PCDH9: variants seen among roughly 807,000 people sequenced by gnomAD.
PCDH9 encodes protocadherin-9.
Under a neutral mutation model 70.6 loss-of-function variants are expected in PCDH9, and 24 were observed. The ratio of observed to expected loss-of-function variants is 0.34; its 90% CI spans 0.25 to 0.48. The LOEUF is 0.48. Ranked by LOEUF, PCDH9 falls within the 20% of genes least tolerant of loss-of-function variation. The pLI is 0.99. For synonymous variants in PCDH9, 562 were observed against 558.5 expected, an observed-to-expected ratio of 1.01 and a Z score of -0.09; for missense variants, 1,281 against 1,503.6, an observed-to-expected ratio of 0.85 and a Z score of 2.45.
chr13:66,979,937 C>G (rs1322827787), intron 2 of PCDH9, among the ~76,000 whole-genome samples: 1 of 151,672 alleles, frequency 6.6e-6, no homozygotes, highest in Non-Finnish European at 1.5e-5. Flanking sequence ...TCTTTCCTAT[C>G]TAATTCTTTA....
chr13:66,503,360 AGACT>A (rs1431901601), intron 4 of PCDH9, among the ~76,000 whole-genome samples: 1 of 151,352 alleles, frequency 6.6e-6, no homozygotes, highest in Admixed American at 6.6e-5. Flanking sequence ...CTCCCCTGGG[AGACT>A]GTTTGATTTA....
intron 3 of PCDH9, among the ~76,000 whole-genome samples, chr13:66,889,936 G>T (rs1354600401): frequency 1.3e-5 from 2 of 152,054 alleles, no homozygotes; most frequent in African/African-American, 4.8e-5. Context: ...GGATATATTG[G>T]TGTATTGATT....
At chr13:66,529,069 C>G (rs1053692272) in intron 4 of PCDH9, among the ~76,000 whole-genome samples, 4 of 152,034 alleles carry the variant, frequency 2.6e-5, no homozygotes, top group African/African-American at 7.2e-5. Flanking sequence ...GTTGACCTAT[C>G]TCTGCCATTC....
intron 2 of PCDH9, among the ~76,000 whole-genome samples, chr13:66,953,881 G>T (rs1453340254): frequency 1.3e-5 from 2 of 152,156 alleles, no homozygotes; most frequent in Admixed American, 6.5e-5. Flanking sequence ...TTCCTGCAGA[G>T]ATACCGGAAG....
intron 3 of PCDH9, among the ~76,000 whole-genome samples, chr13:66,672,245 T>C (rs953669990): frequency 6.6e-6 from 1 of 152,260 alleles, no homozygotes; most frequent in Non-Finnish European, 1.5e-5. Flanking sequence ...CTTCCATTTG[T>C]AGTTTTCTTT....
At chr13:67,164,560 C>A (rs1276292123) in intron 2 of PCDH9, among the ~76,000 whole-genome samples, 1 of 139,420 alleles carries the variant, frequency 7.2e-6, no homozygotes, top group Non-Finnish European at 1.5e-5. Flanking sequence ...TGTGACAGAG[C>A]CAGACTCCAT....
At chr13:66,451,907 A>G (rs1453124960) in intron 4 of PCDH9, among the ~76,000 whole-genome samples, 1 of 152,226 alleles carries the variant, frequency 6.6e-6, no homozygotes, top group Non-Finnish European at 1.5e-5. Flanking sequence ...GGCAATAACT[A>G]TCTTTTTCAA....
intron 4 of PCDH9, among the ~76,000 whole-genome samples, chr13:66,533,058 C>A (rs941717018): frequency 6.6e-6 from 1 of 152,252 alleles, no homozygotes; most frequent in East Asian, 1.9e-4. Context: ...TATGTGCCCA[C>A]ACTGGGTGGA....
chr13:66,588,656 A>T (rs891918939), intron 4 of PCDH9, among the ~76,000 whole-genome samples: 2 of 151,888 alleles, frequency 1.3e-5, no homozygotes, highest in African/African-American at 4.8e-5. Context: ...ATTCATTTCT[A>T]TGTTCACTGG....
chr13:66,818,699 G>A (rs1325200655), intron 3 of PCDH9, among the ~76,000 whole-genome samples: 4 of 152,114 alleles, frequency 2.6e-5, no homozygotes, highest in African/African-American at 7.2e-5. Context: ...TTGGGAGGCC[G>A]AGGCGGGCGG....
chr13:66,831,092 T>C (rs1378590252), intron 3 of PCDH9, among the ~76,000 whole-genome samples: 2 of 152,174 alleles, frequency 1.3e-5, no homozygotes, highest in Non-Finnish European at 2.9e-5. Context: ...ATATGAGTTA[T>C]AGAGAATCAG....
intron 2 of PCDH9, among the ~76,000 whole-genome samples, chr13:66,923,802 T>C (rs1476604578): frequency 6.6e-6 from 1 of 151,780 alleles, no homozygotes; most frequent in African/African-American, 2.4e-5. Context: ...GAGGATGACA[T>C]GGTTACTAGC....
At chr13:66,456,614 G>T (rs532980773) in intron 4 of PCDH9, among the ~76,000 whole-genome samples, 1 of 152,080 alleles carries the variant, frequency 6.6e-6, no homozygotes, top group South Asian at 2.1e-4. Context: ...ATTAAAACTC[G>T]ACTCTGAATT....
At chr13:67,121,989 T>C (rs973618037) in intron 2 of PCDH9, among the ~76,000 whole-genome samples, 1 of 152,200 alleles carries the variant, frequency 6.6e-6, no homozygotes, top group African/African-American at 2.4e-5. Flanking sequence ...ATATATTGAC[T>C]AGTCCTTTCC....
At chr13:66,382,797 G>A (rs1301686925) in intron 4 of PCDH9, among the ~76,000 whole-genome samples, 8 of 152,236 alleles carry the variant, frequency 5.3e-5, no homozygotes, top group African/African-American at 1.9e-4. Flanking sequence ...TTGGAAGGCC[G>A]AGGCAGGTGG....
chr13:66,395,384 C>A (rs556356585), intron 4 of PCDH9, among the ~76,000 whole-genome samples: 10 of 152,108 alleles, frequency 6.6e-5, no homozygotes, highest in African/African-American at 1.9e-4. Flanking sequence ...AGGTGGATCA[C>A]AAGGTCAGGA....
intron 3 of PCDH9, among the ~76,000 whole-genome samples, chr13:66,889,826 G>A (rs1467109035): frequency 1.3e-5 from 2 of 152,136 alleles, no homozygotes; most frequent in Non-Finnish European, 2.9e-5. Context: ...CTGCTGAGAT[G>A]TTTTTTACCT....
intron 3 of PCDH9, among the ~76,000 whole-genome samples, chr13:66,720,473 G>T (rs2078928223): frequency 6.6e-6 from 1 of 151,322 alleles, no homozygotes; most frequent in Non-Finnish European, 1.5e-5. Flanking sequence ...TCATTTCCTA[G>T]ATTTCATTTA....
chr13:66,997,533 T>TTTTGC (rs2084144442), intron 2 of PCDH9, among the ~76,000 whole-genome samples: 3 of 151,946 alleles, frequency 2.0e-5, no homozygotes, highest in Non-Finnish European at 4.4e-5. Context: ...TTTTGTTTTG[T>TTTTGC]TTTGTTTTGT....
Sources: gnomAD v4.1 joint callset for allele counts (sites outside exome capture counted in the v4.1 genomes callset) on GRCh38, gnomAD v4.1.1 for gene constraint, MANE v1.5 for transcripts, NCBI Gene and HGNC (gene_info 2026-07-23, HGNC 2026-07-21) for gene names.